The following TSPAN18 variants were observed in gnomAD, a reference collection of about 807,000 sequenced individuals.
TSPAN18 encodes tetraspanin 18.
Under a neutral mutation model 27.3 loss-of-function variants are expected in TSPAN18, and 14 were observed. The ratio of observed to expected loss-of-function variants is 0.51; its 90% CI spans 0.34 to 0.80. TSPAN18 has a LOEUF of 0.80. TSPAN18 is among the 30% of genes least tolerant of loss of function. The probability of loss-of-function intolerance (pLI) is 0.01; values close to 1 mark genes in which losing one functional copy is unlikely to be tolerated. For missense variants in TSPAN18, 268 were observed against 323.9 expected, an observed-to-expected ratio of 0.83 and a Z score of 1.32; for synonymous variants, 143 against 136.5, an observed-to-expected ratio of 1.05 and a Z score of -0.33.
intron 1 of TSPAN18, among the ~76,000 whole-genome samples, chr11:44,761,077 C>T (rs568514496): frequency 3.9e-5 from 6 of 152,186 alleles, no homozygotes; most frequent in African/African-American, 1.2e-4. Flanking sequence ...CCAGGCATGA[C>T]GTAGATAGGT....
intron 1 of TSPAN18, among the ~76,000 whole-genome samples, chr11:44,751,621 T>C (rs1855212234): frequency 6.6e-6 from 1 of 152,098 alleles, no homozygotes; most frequent in Non-Finnish European, 1.5e-5. Flanking sequence ...TCTCTGATTA[T>C]AAAAGTCACA....
chr11:44,735,685 C>G (rs1302140617), intron 1 of TSPAN18, among the ~76,000 whole-genome samples: 1 of 151,414 alleles, frequency 6.6e-6, no homozygotes, highest in Non-Finnish European at 1.5e-5. Context: ...GTGGCGATCT[C>G]TGCTCACTGC....
intron 3 of TSPAN18, among the ~76,000 whole-genome samples, chr11:44,894,357 C>T (rs74641984): frequency 6.6e-6 from 1 of 152,196 alleles, no homozygotes; most frequent in South Asian, 2.1e-4. Context: ...GGCCAGGGCA[C>T]GTGCAAGCCC....
At chr11:44,897,818 G>A in intron 3 of TSPAN18, 1 of 1,289,412 alleles carries the variant, frequency 7.8e-7, no homozygotes, top group Non-Finnish European at 1.0e-6. Context: ...GATGCCCGAA[G>A]AACTGCCCAG....
At chr11:44,773,971 C>A (rs780193668) in intron 2 of TSPAN18, among the ~76,000 whole-genome samples, 3 of 152,192 alleles carry the variant, frequency 2.0e-5, no homozygotes, top group Non-Finnish European at 4.4e-5. Flanking sequence ...CCTCCCGGTC[C>A]TGTGCTCCTC....
intron 2 of TSPAN18, among the ~76,000 whole-genome samples, chr11:44,834,368 A>G (rs1565170388): frequency 6.6e-6 from 1 of 152,146 alleles, no homozygotes; most frequent in Non-Finnish European, 1.5e-5. Context: ...AGAGAGCCAC[A>G]CGGGTTCTTT....
intron 2 of TSPAN18, among the ~76,000 whole-genome samples, chr11:44,822,924 C>T (rs542411782): frequency 6.6e-6 from 1 of 152,316 alleles, no homozygotes; most frequent in African/African-American, 2.4e-5. Flanking sequence ...TTGATTCTCC[C>T]ACCAGCTGTG....
intron 8 of TSPAN18, among the ~76,000 whole-genome samples, chr11:44,924,888 A>G (rs940333510): frequency 6.6e-6 from 1 of 152,248 alleles, no homozygotes; most frequent in Non-Finnish European, 1.5e-5. Flanking sequence ...AACTTAAAGT[A>G]TAATTTTTAA....
chr11:44,818,500 A>G (rs145353998), intron 2 of TSPAN18, among the ~76,000 whole-genome samples: 1 of 152,276 alleles, frequency 6.6e-6, no homozygotes, highest in African/African-American at 2.4e-5. Context: ...ATCAGGGCAG[A>G]TGAACAGGTG....
intron 8 of TSPAN18, among the ~76,000 whole-genome samples, chr11:44,924,965 G>C (rs1860295642): frequency 6.6e-6 from 1 of 152,198 alleles, no homozygotes; most frequent in Non-Finnish European, 1.5e-5. Context: ...GATGGACCCT[G>C]GGCCTCACTG....
chr11:44,921,781 A>G (rs998530543), intron 8 of TSPAN18, among the ~76,000 whole-genome samples: 1 of 152,150 alleles, frequency 6.6e-6, no homozygotes, highest in Non-Finnish European at 1.5e-5. Flanking sequence ...AGAACCTTTT[A>G]ATGCTACTTG....
At chr11:44,855,125 A>T (rs549809092) in intron 2 of TSPAN18, among the ~76,000 whole-genome samples, 1 of 152,130 alleles carries the variant, frequency 6.6e-6, no homozygotes, top group African/African-American at 2.4e-5. Context: ...GACTGCCATT[A>T]GATAATATGG....
intron 3 of TSPAN18, among the ~76,000 whole-genome samples, chr11:44,882,585 GAGACACACACACACAC>G (rs1187630492): frequency 2.2e-5 from 2 of 92,490 alleles, no homozygotes; most frequent in African/African-American, 7.9e-5. Flanking sequence ...GTCAGAGAGA[GAGACACACACACACAC>G]ACACACACAC....
chr11:44,740,864 C>T lies in TSPAN18; in HGVS notation c.-240+13577C>T, dbSNP rs561004356. ...GCAGGGTTGAGATCTTGGCTCACTG[C>T]AACTTCTGCCTTCCAGGTTCAAGCG... On this transcript the variant is annotated intron_variant, in intron 1 of 9. Coordinates refer to ENST00000520358, the MANE Select transcript of TSPAN18 (RefSeq NM_130783.5). Among the ~76,000 whole-genome samples the T allele has an allele frequency of 6.6e-5, 10 of 152,344 alleles. No individual in the cohort carries two copies. The South Asian group carries it at 2.1e-3, about 32-fold the overall frequency.
intron 2 of TSPAN18, among the ~76,000 whole-genome samples, chr11:44,787,335 A>G (rs1271468548): frequency 1.3e-5 from 2 of 152,236 alleles, no homozygotes; most frequent in African/African-American, 4.8e-5. Flanking sequence ...AGTGAGGAAC[A>G]CAGTTGCAAT....
chr11:44,798,256 A>G (rs541782386), intron 2 of TSPAN18, among the ~76,000 whole-genome samples: 2 of 152,264 alleles, frequency 1.3e-5, no homozygotes, highest in Non-Finnish European at 2.9e-5. Context: ...CACTTACTCA[A>G]TCCTTAAACT....
chr11:44,800,528 C>G (rs1856456860), intron 2 of TSPAN18, among the ~76,000 whole-genome samples: 1 of 152,230 alleles, frequency 6.6e-6, no homozygotes, highest in African/African-American at 2.4e-5. Context: ...TGGCTCAGGG[C>G]TTTACCTGGC....
chr11:44,874,065 G>A (rs1234504458), intron 3 of TSPAN18, among the ~76,000 whole-genome samples: 1 of 152,178 alleles, frequency 6.6e-6, no homozygotes, highest in African/African-American at 2.4e-5. Flanking sequence ...GGAGTTGAGT[G>A]GGGTGGGAAA....
chr11:44,896,229 G>A (rs974262293), intron 3 of TSPAN18, among the ~76,000 whole-genome samples: 6 of 152,122 alleles, frequency 3.9e-5, no homozygotes, highest in Non-Finnish European at 7.3e-5. Context: ...GCTATTGTGA[G>A]GATTCATTGT....
Sources: gnomAD v4.1 joint callset for allele counts (sites outside exome capture counted in the v4.1 genomes callset) on GRCh38, gnomAD v4.1.1 for gene constraint, MANE v1.5 for transcripts, NCBI Gene and HGNC (gene_info 2026-07-23, HGNC 2026-07-21) for gene names.